SPATA45: variants seen among roughly 807,000 people sequenced by gnomAD.
SPATA45 encodes spermatogenesis associated 45.
SPATA45 carries 5 observed loss-of-function variants against 7.0 expected under a neutral mutation model. The observed-to-expected ratio is 0.71, with a 90% CI of 0.37 to 1.50. The LOEUF is 1.50. Among genes scored for constraint, SPATA45 ranks in the 40% most tolerant of loss-of-function variants. The pLI, the probability that SPATA45 is intolerant of heterozygous loss-of-function variation, is 0.03. For synonymous variants in SPATA45, 40 were observed against 38.7 expected, an observed-to-expected ratio of 1.03 and a Z score of -0.13; for missense variants, 111 against 114.9, an observed-to-expected ratio of 0.97 and a Z score of 0.16.
At chr1:212,847,119 G>A (rs1352411115) in intron 1 of SPATA45, among the ~76,000 whole-genome samples, 1 of 152,074 alleles carries the variant, frequency 6.6e-6, no homozygotes, top group Non-Finnish European at 1.5e-5. Context: ...TTGAACTCCT[G>A]GGGTCAAATG....
intron 2 of SPATA45, among the ~76,000 whole-genome samples, chr1:212,833,053 T>C (rs1287459601): frequency 1.3e-5 from 2 of 151,554 alleles, no homozygotes; most frequent in Non-Finnish European, 3.0e-5. Flanking sequence ...TAAGGGATTA[T>C]AGAGTGTTGA....
chr1:212,838,031 T>C (rs1048756758), intron 1 of SPATA45, among the ~76,000 whole-genome samples: 4 of 151,726 alleles, frequency 2.6e-5, no homozygotes, highest in African/African-American at 9.7e-5. Flanking sequence ...CTGGGCGTGA[T>C]GGCTCACACC....
intron 1 of SPATA45, among the ~76,000 whole-genome samples, chr1:212,840,711 G>A (rs6676523): frequency 0.7 from 105,800 of 151,934 alleles, 37,331 homozygotes; most frequent in African/African-American, 0.76. Flanking sequence ...TCTGCCTCCT[G>A]GGTTCAAGCC....
At chr1:212,836,215 A>T in intron 1 of SPATA45, 28 bp from the exon 2 acceptor site, 2 of 1,446,898 alleles carry the variant, frequency 1.4e-6, no homozygotes, top group Non-Finnish European at 1.9e-6. Context: ...AATACTTTCA[A>T]TTGTCTTTTT....
chr1:212,836,258 C>T, intron 1 of SPATA45, 71 bp from the exon 2 acceptor site: 1 of 1,239,894 alleles, frequency 8.1e-7, no homozygotes, highest in Non-Finnish European at 1.1e-6. Flanking sequence ...ATCACGTTTG[C>T]CAGTTTCTCT....
At chr1:212,833,503 CAAAAAAA>C (rs35760900) in intron 2 of SPATA45, among the ~76,000 whole-genome samples, 24 of 108,780 alleles carry the variant, frequency 2.2e-4, no homozygotes, top group Admixed American at 8.7e-4. Flanking sequence ...TACTAAAATA[CAAAAAAA>C]AAAAAAAAAA....
chr1:212,835,722 G>C, intron 2 of SPATA45, 151 bp downstream of exon 2: 1 of 680,162 alleles, frequency 1.5e-6, no homozygotes, highest in South Asian at 2.2e-5. Flanking sequence ...TGTATTCCCA[G>C]CTACCTGGGA....
chr1:212,833,150 T>A (rs1663520451), intron 2 of SPATA45, among the ~76,000 whole-genome samples: 1 of 151,646 alleles, frequency 6.6e-6, no homozygotes, highest in African/African-American at 2.4e-5. Flanking sequence ...GTTACATGGG[T>A]AAGTTCTTCA....
At chr1:212,836,892 T>C (rs1663596403) in intron 1 of SPATA45, among the ~76,000 whole-genome samples, 1 of 146,372 alleles carries the variant, frequency 6.8e-6, no homozygotes, top group African/African-American at 2.5e-5. Flanking sequence ...CTCCTGAAGT[T>C]GTGATCCACC....
chr1:212,842,414 T>C (rs7512067), intron 1 of SPATA45, among the ~76,000 whole-genome samples: 5 of 152,006 alleles, frequency 3.3e-5, no homozygotes, highest in Non-Finnish European at 7.4e-5. Flanking sequence ...AAAGCCCATT[T>C]TATAGGTGAA....
chr1:212,839,479 G>A (rs1393481665), intron 1 of SPATA45, among the ~76,000 whole-genome samples: 1 of 151,250 alleles, frequency 6.6e-6, no homozygotes, highest in Non-Finnish European at 1.5e-5. Flanking sequence ...TTAACTAGGT[G>A]TGGTGGCACC....
chr1:212,834,044 C>G (rs557599652), intron 2 of SPATA45, among the ~76,000 whole-genome samples: 1 of 151,802 alleles, frequency 6.6e-6, no homozygotes, highest in African/African-American at 2.4e-5. Context: ...CCACCTTGCC[C>G]AGCCCTAGAG....
In SPATA45 at chr1:212,843,244, C is replaced by T. The variant is rs368005649; in HGVS notation, c.-39+4336G>A. ...GGCAGAGGTTGCGGTGAGCCAAGAC[C>T]GCACCATTGCACTCCAGCCTGGGCA... On this transcript the variant is annotated intron_variant, in intron 1 of 2. Transcript: ENST00000332912. 1.7e-3 allele frequency among the ~76,000 whole-genome samples: 247 copies of T among 149,178 alleles called. 1 individual carries two copies. Among genetic ancestry groups the T allele is most frequent in the African/African-American group, 5.8e-3 (236 of 40,432 alleles).
At chr1:212,837,873 A>G (rs1468114749) in intron 1 of SPATA45, among the ~76,000 whole-genome samples, 1 of 151,800 alleles carries the variant, frequency 6.6e-6, no homozygotes, top group African/African-American at 2.4e-5. Flanking sequence ...AGCAGTCAGG[A>G]TTTTTAAAAA....
At chr1:212,831,162 A>G (rs539847667) in intron 2 of SPATA45, among the ~76,000 whole-genome samples, 6 of 150,728 alleles carry the variant, frequency 4.0e-5, no homozygotes, top group Admixed American at 2.0e-4. Flanking sequence ...TTAAAAAAAA[A>G]AAAAGAAAGA....
intron 1 of SPATA45, among the ~76,000 whole-genome samples, chr1:212,845,260 G>T (rs1039119532): frequency 1.3e-5 from 2 of 151,810 alleles, no homozygotes; most frequent in African/African-American, 4.8e-5. Context: ...CTCAGGGATT[G>T]TTCAGGCCCC....
chr1:212,834,775 T>C (rs940112608), intron 2 of SPATA45, among the ~76,000 whole-genome samples: 3 of 151,682 alleles, frequency 2.0e-5, no homozygotes, highest in African/African-American at 7.2e-5. Flanking sequence ...TAGGGCTTTT[T>C]GTGTGATATT....
At chr1:212,840,915 G>C (rs1421367671) in intron 1 of SPATA45, among the ~76,000 whole-genome samples, 4 of 152,128 alleles carry the variant, frequency 2.6e-5, no homozygotes, top group Non-Finnish European at 5.9e-5. Flanking sequence ...ACCGCACCCG[G>C]CTCCGCGCTC....
intron 2 of SPATA45, among the ~76,000 whole-genome samples, chr1:212,833,424 C>T (rs927219901): frequency 1.3e-5 from 2 of 148,848 alleles, no homozygotes; most frequent in Non-Finnish European, 3.0e-5. Flanking sequence ...TTTGGGAGGC[C>T]GAGATGGGTG....
Sources: gnomAD v4.1 joint callset for allele counts (sites outside exome capture counted in the v4.1 genomes callset) on GRCh38, gnomAD v4.1.1 for gene constraint, MANE v1.5 for transcripts, NCBI Gene and HGNC (gene_info 2026-07-23, HGNC 2026-07-21) for gene names.